The following EZH1 variants were observed in gnomAD, a reference collection of about 807,000 sequenced individuals.
EZH1 encodes the protein histone-lysine N-methyltransferase EZH1.
EZH1 carries 33 observed loss-of-function variants against 100.5 expected under a neutral mutation model. That is an observed-to-expected ratio of 0.33 (90% confidence interval 0.25 to 0.44). EZH1 has a LOEUF of 0.44. EZH1 is among the 20% of genes least tolerant of loss of function. EZH1 has a pLI of 1.00. For synonymous variants in EZH1, 272 were observed against 313.8 expected (o/e 0.87, Z 1.41); for missense variants, 475 against 928.4 (o/e 0.51, Z 6.35).
intron 14 of EZH1, 183 bp from the exon 15 acceptor site, chr17:42,708,266 G>C (rs1597826204): frequency 3.3e-6 from 2 of 607,108 alleles, no homozygotes; most frequent in South Asian, 4.2e-5. Context: ...GGGGTGATCT[G>C]CTTTGTGGGG....
In EZH1 at chr17:42,708,029, G is replaced by T. The variant is rs745590031; in HGVS notation, c.1589C>A (p.Pro530His). Residue 530 changes from proline (P) to histidine (H), a missense_variant, in exon 15 of 21, where the codon CCC becomes CAC. Transcript: ENST00000428826. Reference sequence around the variant, plus strand: ...GATGCAGGGGCAGGTGCTGTCACAGGGGCGGTCTGGGTGGTCGCAGGGTTG... The same window carrying T: ...GATGCAGGGGCAGGTGCTGTCACAGTGGCGGTCTGGGTGGTCGCAGGGTTG... ...NYQPCDHPDR[P>H]CDSTCPCIMT... is the part of the protein sequence containing the mutation. 5.0e-6 allele frequency: 8 copies of T among 1,613,394 alleles called. No individual in the cohort carries two copies. The highest frequency in any genetic ancestry group is 6.8e-6 in the Non-Finnish European group (8 of 1,179,834).
At position 42,718,063 on chromosome 17, in the gene EZH1, A is replaced by T; in HGVS notation, c.936T>A (p.Phe312Leu). 6.2e-7 allele frequency: 1 copy of T among 1,614,080 alleles called. No homozygotes were observed. The highest frequency in any genetic ancestry group is 8.5e-7 in the Non-Finnish European group (1 of 1,179,956). Residue 312 changes from phenylalanine to leucine, a missense_variant, in exon 10 of 21, where the codon TTT becomes TTA. Phe to Leu is a conservative substitution (Grantham distance 22, BLOSUM62 0). Transcript: ENST00000428826. The surrounding 1 kb of genome is among the most constrained non-coding windows in gnomAD (Gnocchi z 4.2). ...GTTTATATACATTAGGGGTGGCATGAAAAGCTGGAAAACAAAAACTGTCTT... is the reference window on the plus strand; with the variant it reads ...GTTTATATACATTAGGGGTGGCATGTAAAGCTGGAAAACAAAAACTGTCTT... ...CFKYDCFLHPFHATPNVYKRK... is the reference protein window; with the variant it reads ...CFKYDCFLHPLHATPNVYKRK...
At chr17:42,721,421 C>A (rs2053703582) in intron 6 of EZH1, among the ~76,000 whole-genome samples, 1 of 152,036 alleles carries the variant, frequency 6.6e-6, no homozygotes, top group Non-Finnish European at 1.5e-5. Flanking sequence ...TCAGGGGATG[C>A]CTGGATCAAA....
chr17:42,704,778 G>T (rs2053317493), intron 17 of EZH1, 95 bp from the exon 18 acceptor site: 1 of 907,664 alleles, frequency 1.1e-6, no homozygotes, highest in Non-Finnish European at 1.7e-6. Flanking sequence ...TATCTCACAT[G>T]GGTGCTTACT....
intron 6 of EZH1, 148 bp downstream of exon 6, chr17:42,722,644 AAAT>A: frequency 1.3e-6 from 1 of 764,826 alleles, no homozygotes. Context: ...AAAAAAAAAA[AAAT>A]TAACTCCCAG....
chr17:42,703,637 G>T, intron 19 of EZH1, 103 bp downstream of exon 19: 3 of 817,592 alleles, frequency 3.7e-6, no homozygotes, highest in South Asian at 1.5e-5. Flanking sequence ...GATTATCTTT[G>T]GACAAAAAAT....
rs2053501682 is a variant in EZH1, at chr17:42,712,417, C to T, written c.1273G>A (p.Val425Met). Residue 425 changes from valine to methionine, a missense_variant, in exon 12 of 21, where the codon GTG (valine) becomes ATG (methionine). By Grantham distance (21) the Val-to-Met change is conservative. Around this residue, in one of 8 missense-constraint regions of EZH1, gnomAD observed 83 missense variants for 142.1 expected, o/e 0.58. Transcript: ENST00000428826. Reference protein sequence around the residue: ...ASPAPPQLCVVEAPSEPVEWT... With the variant: ...ASPAPPQLCVMEAPSEPVEWT... ...TCCACAGGCTCCGAGGGTGCTTCCA[C>T]TACGCAGAGTTGAGGTGGGGCTGGA... 6.2e-7 allele frequency: 1 copy of T among 1,614,198 alleles called. No homozygotes were observed. Among genetic ancestry groups the T allele is most frequent in the South Asian group, 1.1e-5 (1 of 91,090 alleles).
chr17:42,727,549 A>G, intron 4 of EZH1, 86 bp downstream of exon 4: 1 of 1,483,790 alleles, frequency 6.7e-7, no homozygotes, highest in Non-Finnish European at 9.1e-7. Context: ...TGTCTTACTT[A>G]TTCACTTTCT....
intron 1 of EZH1, among the ~76,000 whole-genome samples, chr17:42,732,724 G>T (rs1219723731): frequency 6.6e-6 from 1 of 152,152 alleles, no homozygotes; most frequent in African/African-American, 2.4e-5. Context: ...AGCCGAGATC[G>T]TGCCACTGCA....
chr17:42,706,314 C>T lies in EZH1; in HGVS notation c.1661-129G>A, dbSNP rs2053352834. Reference sequence around the variant, plus strand: ...ATGTTTGGCAAAATAAGAGGAAGCTCCCTTCCCAATAATCAAATACACAAG... The same window carrying T: ...ATGTTTGGCAAAATAAGAGGAAGCTTCCTTCCCAATAATCAAATACACAAG... On this transcript the variant is annotated intron_variant, in intron 15 of 20. Coordinates refer to ENST00000428826, the MANE Select transcript of EZH1 (RefSeq NM_001991.5). This position sits in a 1 kb window ranked among gnomAD's most constrained non-coding sequence, Gnocchi z 4.4. 1.3e-6 allele frequency: 1 copy of T among 745,826 alleles called. No homozygotes were observed. Among genetic ancestry groups the T allele is most frequent in the Non-Finnish European group, 2.0e-6 (1 of 500,654 alleles). 46.2% of individuals were successfully genotyped at this position (745,826 alleles called of 1,614,324 possible).
Position 42,723,063 on chromosome 17 carries a change from C to T in EZH1, c.367-148G>A, listed in dbSNP as rs1034513036. On this transcript the variant is annotated intron_variant, in intron 5 of 20. Coordinates refer to ENST00000428826, the MANE Select transcript of EZH1 (RefSeq NM_001991.5). ...GAGTTTCCTGCATTTTAAACACTGG[C>T]CATTTTGTTTGGCCAAAAAAACCTC... is the stretch of plus-strand genomic sequence containing the variant. 4 of 1,263,562 alleles carry T rather than the reference C, an allele frequency of 3.2e-6. No individual in the cohort carries two copies. The Admixed American group carries it at 7.7e-5, about 24-fold the overall frequency. The allele number at this position is 1,263,562 out of a possible 1,614,324, so 78.3% of individuals were successfully genotyped here.
chr17:42,709,660 G>A (rs2053436911), intron 13 of EZH1, 186 bp downstream of exon 13: 1 of 572,736 alleles, frequency 1.7e-6, no homozygotes, highest in African/African-American at 1.9e-5. Context: ...GAAGAGGGCT[G>A]ATCTAAGGCA....
chr17:42,703,781 C>T lies in EZH1; in HGVS notation c.2057G>A (p.Arg686Gln). 2 of 1,614,074 alleles carry T rather than the reference C, an allele frequency of 1.2e-6. No individual in the cohort carries two copies. The highest frequency in any genetic ancestry group is 1.7e-6 in the Non-Finnish European group (2 of 1,179,986). The change falls in exon 19 of 21, where the codon CGA becomes CAA. Residue 686 changes from arginine (R) to glutamine (Q), a missense_variant. By Grantham distance (43) the Arg-to-Gln change is conservative. Transcript: ENST00000428826. Reference sequence around the variant, plus strand: ...GGGATTCACTGAATGATTTGCAAATCGAATTTTGTTTCCTTTCCGAGTAGC... The same window carrying T: ...GGGATTCACTGAATGATTTGCAAATTGAATTTTGTTTCCTTTCCGAGTAGC... ...VDATRKGNKI[R>Q]FANHSVNPNC...
chr17:42,708,216 A>T, intron 14 of EZH1, 133 bp from the exon 15 acceptor site: 27 of 1,083,588 alleles, frequency 2.5e-5, no homozygotes, highest in Non-Finnish European at 3.5e-5. Context: ...TAGCACCTGA[A>T]GTGAGAAGAC....
chr17:42,736,047 A>G (rs1432813980), intron 1 of EZH1, among the ~76,000 whole-genome samples: 2 of 152,240 alleles, frequency 1.3e-5, no homozygotes, highest in Non-Finnish European at 2.9e-5. Context: ...ATGGCAAATG[A>G]GCACACAAAA....
intron 11 of EZH1, among the ~76,000 whole-genome samples, chr17:42,712,700 C>A (rs2053508430): frequency 6.6e-6 from 1 of 152,116 alleles, no homozygotes; most frequent in Admixed American, 6.6e-5. Context: ...CTCAGGAGTT[C>A]AAGACCAGCC....
chr17:42,728,499 T>G (rs542085730), intron 3 of EZH1, among the ~76,000 whole-genome samples: 9 of 150,712 alleles, frequency 6.0e-5, no homozygotes, highest in Non-Finnish European at 1.0e-4. Context: ...CCCAGCACTT[T>G]GGGAGGCTGA....
chr17:42,734,618 A>G (rs566212944), intron 1 of EZH1, among the ~76,000 whole-genome samples: 2 of 150,740 alleles, frequency 1.3e-5, no homozygotes, highest in South Asian at 4.2e-4. Context: ...GCAGTGAGCC[A>G]TGATTGTGCC....
chr17:42,705,940 T>G, intron 16 of EZH1, 67 bp downstream of exon 16: 3 of 1,424,568 alleles, frequency 2.1e-6, no homozygotes, highest in Non-Finnish European at 2.8e-6. Context: ...GGAAAGAGAA[T>G]GCTTGGGACC....
Sources: allele counts gnomAD v4.1 joint callset (sites outside exome capture counted in the v4.1 genomes callset), GRCh38; gene constraint gnomAD v4.1.1; regional missense constraint gnomAD v4.1.1; non-coding constraint Gnocchi (gnomAD v3.1); transcripts MANE v1.5; gene names NCBI Gene and HGNC (gene_info 2026-07-23, HGNC 2026-07-21).